Variants in CYP7B1 observed in about 807,000 individuals in gnomAD.
CYP7B1 encodes cytochrome P450 family 7 subfamily B member 1, also known as cytochrome P450 7B1.
CYP7B1 carries 29 observed loss-of-function variants against 42.7 expected under a neutral mutation model. The ratio of observed to expected loss-of-function variants is 0.68; its 90% CI spans 0.51 to 0.93. CYP7B1 has a LOEUF of 0.93. CYP7B1 is among the 40% of genes least tolerant of loss of function. The probability of loss-of-function intolerance (pLI) is 0.00; values close to 1 mark genes in which losing one functional copy is unlikely to be tolerated. For missense variants in CYP7B1, 655 were observed against 600.5 expected (o/e 1.09, Z -0.95); for synonymous variants, 235 against 218.2 (o/e 1.08, Z -0.68).
intron 1 of CYP7B1, among the ~76,000 whole-genome samples, chr8:64,681,696 G>T (rs551027574): frequency 1.3e-5 from 2 of 152,176 alleles, no homozygotes; most frequent in African/African-American, 4.8e-5. Context: ...GCAATCATGT[G>T]TGTGAGCTTG....
intron 1 of CYP7B1, among the ~76,000 whole-genome samples, chr8:64,790,710 T>G (rs1381016095): frequency 1.3e-5 from 2 of 152,154 alleles, no homozygotes; most frequent in African/African-American, 2.4e-5. Context: ...AATATCTGAT[T>G]AGTAGAAATA....
intron 1 of CYP7B1, among the ~76,000 whole-genome samples, chr8:64,738,271 A>G (rs924482849): frequency 6.6e-6 from 1 of 152,096 alleles, no homozygotes; most frequent in African/African-American, 2.4e-5. Context: ...ACCAATAAGC[A>G]CTCCATATAT....
At chr8:64,764,205 G>A (rs1017030621) in intron 1 of CYP7B1, among the ~76,000 whole-genome samples, 3 of 151,062 alleles carry the variant, frequency 2.0e-5, no homozygotes, top group Non-Finnish European at 2.9e-5. Flanking sequence ...TCTCCTCCCC[G>A]AATTTCTACC....
At chr8:64,612,976 A>G (rs1484731710) in intron 4 of CYP7B1, among the ~76,000 whole-genome samples, 1 of 152,148 alleles carries the variant, frequency 6.6e-6, no homozygotes, top group Non-Finnish European at 1.5e-5. Context: ...TAATTCACAT[A>G]TAAGTTTGCT....
chr8:64,650,521 A>G (rs566133863), intron 1 of CYP7B1, among the ~76,000 whole-genome samples: 2 of 152,092 alleles, frequency 1.3e-5, no homozygotes, highest in South Asian at 4.2e-4. Flanking sequence ...GGTGGCATGC[A>G]CCTGTAGTCC....
At chr8:64,606,288 G>A (rs998119509) in intron 4 of CYP7B1, among the ~76,000 whole-genome samples, 2 of 152,224 alleles carry the variant, frequency 1.3e-5, no homozygotes, top group South Asian at 2.1e-4. Context: ...CACCTGACAC[G>A]ATGGATTTCA....
At chr8:64,686,122 C>T (rs866213973) in intron 1 of CYP7B1, among the ~76,000 whole-genome samples, 80 of 93,378 alleles carry the variant, frequency 8.6e-4, no homozygotes, top group East Asian at 9.9e-4. Flanking sequence ...GCCCTCCGCC[C>T]GGCCAGCCGC....
chr8:64,607,794 T>C (rs1321527984), intron 4 of CYP7B1, among the ~76,000 whole-genome samples: 1 of 152,240 alleles, frequency 6.6e-6, no homozygotes, highest in Admixed American at 6.5e-5. Context: ...TTTATAAAAC[T>C]TATTGTGTAT....
chr8:64,674,954 T>A (rs1806423272), intron 1 of CYP7B1, among the ~76,000 whole-genome samples: 1 of 152,148 alleles, frequency 6.6e-6, no homozygotes, highest in Admixed American at 6.6e-5. Flanking sequence ...TGACTGGGGC[T>A]TATCACCGTG....
At chr8:64,636,118 G>A (rs1805766774) in intron 1 of CYP7B1, among the ~76,000 whole-genome samples, 1 of 152,182 alleles carries the variant, frequency 6.6e-6, no homozygotes, top group Admixed American at 6.5e-5. Flanking sequence ...CACCACTCAA[G>A]TGCCTTTCTC....
intron 4 of CYP7B1, among the ~76,000 whole-genome samples, chr8:64,606,719 A>G (rs1396797682): frequency 6.6e-6 from 1 of 152,168 alleles, no homozygotes; most frequent in Non-Finnish European, 1.5e-5. Flanking sequence ...AATCTGTTTT[A>G]CCTTCCAGTA....
chr8:64,647,984 G>C (rs1038168658), intron 1 of CYP7B1, among the ~76,000 whole-genome samples: 2 of 152,092 alleles, frequency 1.3e-5, no homozygotes, highest in Non-Finnish European at 2.9e-5. Flanking sequence ...GCTACAATTA[G>C]CTGACAGATC....
rs567594827 is a variant in CYP7B1 at position 64,593,780 on chromosome 8, T to C, written c.*2862A>G. Among the ~76,000 whole-genome samples, 2 of 152,256 alleles carry C rather than the reference T, an allele frequency of 1.3e-5. No homozygotes were observed. The highest frequency in any genetic ancestry group is 3.9e-4 in the East Asian group (2 of 5,180). On this transcript the variant is annotated 3_prime_UTR_variant, in exon 6 of 6. Transcript: ENST00000310193. ...ACACCAATGATTTGGAAATATCAGA[T>C]ACAGAATCTAAAATGTTTGCTTCAT...
intron 1 of CYP7B1, among the ~76,000 whole-genome samples, chr8:64,705,566 T>C (rs115191057): frequency 0.011 from 1,630 of 144,994 alleles, 25 homozygotes; most frequent in African/African-American, 0.042. Context: ...CTCTTTATCA[T>C]GTCCTTTGGT....
chr8:64,654,444 C>A (rs1390049877), intron 1 of CYP7B1, among the ~76,000 whole-genome samples: 1 of 152,026 alleles, frequency 6.6e-6, no homozygotes, highest in African/African-American at 2.4e-5. Context: ...GAATGCAATA[C>A]CTAGGAATAT....
chr8:64,707,646 G>C (rs1807020279), intron 1 of CYP7B1, among the ~76,000 whole-genome samples: 1 of 151,926 alleles, frequency 6.6e-6, no homozygotes, highest in Non-Finnish European at 1.5e-5. Flanking sequence ...CACCAAATTA[G>C]ACTAGTAAGC....
At chr8:64,612,820 G>GT (rs1805381809) in intron 4 of CYP7B1, among the ~76,000 whole-genome samples, 1 of 152,008 alleles carries the variant, frequency 6.6e-6, no homozygotes, top group South Asian at 2.1e-4. Flanking sequence ...AAGACAAGAA[G>GT]GATAAGCACA....
At chr8:64,771,100 C>T (rs891309369) in intron 1 of CYP7B1, among the ~76,000 whole-genome samples, 16 of 100,048 alleles carry the variant, frequency 1.6e-4, no homozygotes, top group African/African-American at 6.4e-4. Context: ...CTTGCTCTGT[C>T]GCCAGGCTGG....
At chr8:64,634,598 A>AG (rs968148450) in intron 1 of CYP7B1, among the ~76,000 whole-genome samples, 1 of 151,934 alleles carries the variant, frequency 6.6e-6, no homozygotes, top group African/African-American at 2.4e-5. Flanking sequence ...AAAAAAAAAA[A>AG]AGAAAGAAAT....
Sources: gnomAD v4.1 joint callset for allele counts (sites outside exome capture counted in the v4.1 genomes callset) on GRCh38, gnomAD v4.1.1 for gene constraint, MANE v1.5 for transcripts, NCBI Gene and HGNC (gene_info 2026-07-23, HGNC 2026-07-21) for gene names.